The following GRAMD1B variants were observed in gnomAD, a reference collection of about 807,000 sequenced individuals.
GRAMD1B encodes the protein protein Aster-B.
A neutral mutation model predicts 99.7 loss-of-function variants in GRAMD1B; 37 were observed. The observed-to-expected ratio is 0.37, with a 90% CI of 0.29 to 0.49. The LOEUF (loss-of-function observed/expected upper bound fraction) is 0.49, where lower values mean the gene tolerates loss of function less well. Ranked by LOEUF, GRAMD1B falls within the 20% of genes least tolerant of loss-of-function variation. The probability of loss-of-function intolerance (pLI) is 0.98; values close to 1 mark genes in which losing one functional copy is unlikely to be tolerated. For synonymous variants in GRAMD1B, 427 were observed against 387.6 expected (o/e 1.10, Z -1.19); for missense variants, 888 against 1,009.2 (o/e 0.88, Z 1.63).
chr11:123,548,290 AAATATAT>A (rs1945214450), intron 2 of GRAMD1B, among the ~76,000 whole-genome samples: 11 of 58,142 alleles, frequency 1.9e-4, no homozygotes, highest in African/African-American at 9.2e-4. Context: ...GGCTGTGCCA[AAATATAT>A]ATATATATAT....
chr11:123,580,727 A>G (rs930985569), intron 3 of GRAMD1B, among the ~76,000 whole-genome samples: 5 of 152,100 alleles, frequency 3.3e-5, no homozygotes, highest in Non-Finnish European at 5.9e-5. Context: ...CTCTGTAGTG[A>G]CAGCCTGTGG....
chr11:123,365,513 A>G (rs541049899), intron 1 of GRAMD1B, among the ~76,000 whole-genome samples: 13 of 152,304 alleles, frequency 8.5e-5, no homozygotes, highest in African/African-American at 3.1e-4. Flanking sequence ...TAGCCTCCCA[A>G]AGTGTTGGGA....
At chr11:123,615,438 G>A (rs1289229575) in intron 17 of GRAMD1B, among the ~76,000 whole-genome samples, 1 of 152,246 alleles carries the variant, frequency 6.6e-6, no homozygotes, top group Non-Finnish European at 1.5e-5. Flanking sequence ...TGTAATCCCA[G>A]CACTTTGGGA....
intron 1 of GRAMD1B, among the ~76,000 whole-genome samples, chr11:123,419,039 T>A (rs1208749526): frequency 6.6e-6 from 1 of 152,166 alleles, no homozygotes; most frequent in Non-Finnish European, 1.5e-5. Context: ...GAAAGAGACG[T>A]GGGTAAACTG....
At chr11:123,605,649 C>T (rs930647345) in intron 10 of GRAMD1B, among the ~76,000 whole-genome samples, 171 bp downstream of exon 10, 1 of 152,196 alleles carries the variant, frequency 6.6e-6, no homozygotes, top group Non-Finnish European at 1.5e-5. Flanking sequence ...ATTCTAGTGG[C>T]ATAGCCCGGG....
intron 2 of GRAMD1B, among the ~76,000 whole-genome samples, chr11:123,575,259 T>A (rs1948593149): frequency 6.6e-6 from 1 of 152,190 alleles, no homozygotes; most frequent in Admixed American, 6.5e-5. Flanking sequence ...AGGAATCTCC[T>A]TTCCATTCCA....
chr11:123,604,678 TA>T (rs1316212989), intron 9 of GRAMD1B, among the ~76,000 whole-genome samples: 2 of 152,176 alleles, frequency 1.3e-5, no homozygotes, highest in African/African-American at 2.4e-5. Context: ...AAAATGCACA[TA>T]AGGATTTCCG....
At chr11:123,449,998 C>T (rs958197743) in intron 1 of GRAMD1B, among the ~76,000 whole-genome samples, 4 of 152,110 alleles carry the variant, frequency 2.6e-5, no homozygotes, top group Non-Finnish European at 5.9e-5. Flanking sequence ...GTTGGGATTA[C>T]AGGCATGAGT....
chr11:123,362,055 C>T (rs988119069), intron 1 of GRAMD1B, among the ~76,000 whole-genome samples: 3 of 152,178 alleles, frequency 2.0e-5, no homozygotes, highest in Non-Finnish European at 2.9e-5. Context: ...AATGGGTTGA[C>T]GTTGATGAAT....
chr11:123,383,299 A>G (rs1210635128), intron 1 of GRAMD1B, among the ~76,000 whole-genome samples: 1 of 151,706 alleles, frequency 6.6e-6, no homozygotes, highest in African/African-American at 2.4e-5. Context: ...AATGTGTGGC[A>G]TCTTGATTAA....
At chr11:123,415,689 T>G (rs144237744) in intron 1 of GRAMD1B, among the ~76,000 whole-genome samples, 1 of 152,292 alleles carries the variant, frequency 6.6e-6, no homozygotes, top group East Asian at 1.9e-4. Context: ...CACTTCTTTC[T>G]GCAATTCTTT....
chr11:123,473,350 C>T (rs1276433283), intron 1 of GRAMD1B, among the ~76,000 whole-genome samples: 3 of 152,192 alleles, frequency 2.0e-5, no homozygotes, highest in Non-Finnish European at 4.4e-5. Flanking sequence ...AGGCGTGAGC[C>T]ACCGTGCCCT....
intron 17 of GRAMD1B, among the ~76,000 whole-genome samples, chr11:123,616,277 G>A (rs375304453): frequency 1.1e-4 from 16 of 152,284 alleles, no homozygotes; most frequent in Non-Finnish European, 1.6e-4. Flanking sequence ...AGCTGAGATC[G>A]CGCCACTGCA....
chr11:123,512,314 C>T (rs141081747), intron 2 of GRAMD1B, among the ~76,000 whole-genome samples: 9 of 152,326 alleles, frequency 5.9e-5, no homozygotes, highest in Non-Finnish European at 8.8e-5. Flanking sequence ...GGTTTGTTAT[C>T]AACCAGCTGG....
chr11:123,466,434 GGAA>G (rs1950676087), intron 1 of GRAMD1B, among the ~76,000 whole-genome samples: 2 of 148,184 alleles, frequency 1.3e-5, no homozygotes, highest in Non-Finnish European at 3.0e-5. Flanking sequence ...AAGAAAGAAA[GGAA>G]GAAAGAAAGA....
At chr11:123,502,120 A>G (rs1013067329) in intron 2 of GRAMD1B, among the ~76,000 whole-genome samples, 4 of 152,214 alleles carry the variant, frequency 2.6e-5, no homozygotes, top group Admixed American at 1.3e-4. Context: ...CCAGGGATCC[A>G]TAAGCATAGG....
At chr11:123,584,383 G>T in intron 4 of GRAMD1B, 51 bp downstream of exon 4, 2 of 1,020,944 alleles carry the variant, frequency 2.0e-6, no homozygotes. Context: ...ATGGGAGGGG[G>T]AATGGAGGTT....
intron 2 of GRAMD1B, among the ~76,000 whole-genome samples, chr11:123,494,368 G>A (rs1938961815): frequency 6.6e-6 from 1 of 151,000 alleles, no homozygotes; most frequent in Non-Finnish European, 1.5e-5. Flanking sequence ...TGATCCACCT[G>A]CACATATGCT....
chr11:123,606,806 T>A lies in GRAMD1B; in HGVS notation c.1513+8T>A. ...CCGACACACACGATGAAGGTGGGCA[T>A]TTGAAAATGGGTCTGGAGTGGCCCT... On this transcript the variant is annotated splice_region_variant and intron_variant, in intron 11 of 19. Coordinates refer to ENST00000635736, the MANE Select transcript of GRAMD1B (RefSeq NM_001387025.1). 6.2e-7 allele frequency: 1 copy of A among 1,611,422 alleles called. No homozygotes were observed. Among genetic ancestry groups the A allele is most frequent in the Non-Finnish European group, 8.5e-7 (1 of 1,178,138 alleles).
Sources: allele counts gnomAD v4.1 joint callset (sites outside exome capture counted in the v4.1 genomes callset), GRCh38; gene constraint gnomAD v4.1.1; transcripts MANE v1.5; gene names NCBI Gene and HGNC (gene_info 2026-07-23, HGNC 2026-07-21).